Variants in CTNNA2 observed in about 807,000 individuals in gnomAD.
CTNNA2 encodes the protein catenin alpha-2.
A neutral mutation model predicts 101.0 loss-of-function variants in CTNNA2; 42 were observed. That is an observed-to-expected ratio of 0.42 (90% CI 0.32 to 0.54). The LOEUF is 0.54. Among genes scored for constraint, CTNNA2 ranks in the 20% least tolerant of loss-of-function variants. The pLI is 0.14. For synonymous variants in CTNNA2, 450 were observed against 456.4 expected (o/e 0.99, Z 0.18); for missense variants, 871 against 1,223.1 (o/e 0.71, Z 4.29).
chr2:79,200,252 C>T (rs1020571214), intron 2 of CTNNA2, among the ~76,000 whole-genome samples: 3 of 152,006 alleles, frequency 2.0e-5, no homozygotes, highest in East Asian at 1.9e-4. Flanking sequence ...GGCTTGGTGG[C>T]GGGCACCTGT....
At chr2:80,170,374 C>A (rs1198290681) in intron 7 of CTNNA2, among the ~76,000 whole-genome samples, 6 of 151,194 alleles carry the variant, frequency 4.0e-5, no homozygotes, top group Admixed American at 3.9e-4. Flanking sequence ...GACAGTTTAT[C>A]TTCTTCTTCA....
intron 18 of CTNNA2, among the ~76,000 whole-genome samples, chr2:80,625,495 C>G (rs1196776538): frequency 6.6e-6 from 1 of 150,378 alleles, no homozygotes; most frequent in Non-Finnish European, 1.5e-5. Context: ...TTCAGGAAGA[C>G]TTCTTTGATA....
At chr2:79,350,073 C>CA (rs59503765) in intron 3 of CTNNA2, among the ~76,000 whole-genome samples, 829 of 57,364 alleles carry the variant, frequency 0.014, 42 homozygotes, top group Non-Finnish European at 0.019. Flanking sequence ...GACTCCTTCT[C>CA]AAAAAAAAAA....
At chr2:80,264,166 T>G (rs999290217) in intron 7 of CTNNA2, among the ~76,000 whole-genome samples, 3 of 152,300 alleles carry the variant, frequency 2.0e-5, no homozygotes, top group Admixed American at 6.5e-5. Flanking sequence ...AGGAGTATTT[T>G]GGAGAACATC....
chr2:79,971,582 G>A (rs185894622), intron 7 of CTNNA2, among the ~76,000 whole-genome samples: 7 of 152,286 alleles, frequency 4.6e-5, no homozygotes, highest in Admixed American at 2.6e-4. Flanking sequence ...CTTTTCAGAA[G>A]TGGGAAATAT....
intron 4 of CTNNA2, among the ~76,000 whole-genome samples, chr2:79,465,574 G>A (rs1670924963): frequency 2.6e-5 from 4 of 152,304 alleles, no homozygotes; most frequent in Admixed American, 2.0e-4. Flanking sequence ...ACCTTGGGCA[G>A]TATGGCCATT....
chr2:79,728,800 C>G (rs1038138260), intron 2 of CTNNA2, among the ~76,000 whole-genome samples: 2 of 152,154 alleles, frequency 1.3e-5, no homozygotes, highest in African/African-American at 4.8e-5. Context: ...ATATGGCTAG[C>G]CAGTTTTCCC....
intron 1 of CTNNA2, among the ~76,000 whole-genome samples, chr2:79,646,222 T>C (rs1680802707): frequency 6.6e-6 from 1 of 152,228 alleles, no homozygotes; most frequent in Non-Finnish European, 1.5e-5. Flanking sequence ...TATTAACATA[T>C]CTGGCATTTG....
At chr2:80,460,106 T>TA (rs1684302206) in intron 9 of CTNNA2, among the ~76,000 whole-genome samples, 1 of 152,130 alleles carries the variant, frequency 6.6e-6, no homozygotes, top group Admixed American at 6.5e-5. Context: ...ACTCTATACA[T>TA]AAGTCAGATA....
Position 80,415,414 on chromosome 2 carries a change from G to GT in CTNNA2, c.1138-4028dup, listed in dbSNP as rs1005522099. Among the ~76,000 whole-genome samples the GT allele has an allele frequency of 2.2e-4, 33 of 151,624 alleles. 1 individual carries two copies. Among genetic ancestry groups the GT allele is most frequent in the Middle Eastern group, 3.4e-3 (1 of 294 alleles). On this transcript the variant is annotated intron_variant, in intron 8 of 18. Coordinates refer to ENST00000402739, the MANE Select transcript of CTNNA2 (RefSeq NM_001282597.3). ...TTCTCCATGAAGCTCTGTTTTTTTT[G>GT]TTTTTTTCTTTTTTTGTAGTGTAAA...
At chr2:79,249,688 A>G (rs1420298261) in intron 2 of CTNNA2, among the ~76,000 whole-genome samples, 1 of 152,186 alleles carries the variant, frequency 6.6e-6, no homozygotes, top group African/African-American at 2.4e-5. Flanking sequence ...TTGGAATTAC[A>G]TAGTCTTTGC....
At chr2:79,789,252 A>G (rs1284581553) in intron 3 of CTNNA2, among the ~76,000 whole-genome samples, 4 of 152,178 alleles carry the variant, frequency 2.6e-5, no homozygotes, top group African/African-American at 9.7e-5. Flanking sequence ...TTACAGGTCT[A>G]TAAATGTGAA....
At chr2:80,017,784 G>A (rs1260034880) in intron 7 of CTNNA2, among the ~76,000 whole-genome samples, 1 of 151,970 alleles carries the variant, frequency 6.6e-6, no homozygotes, top group Non-Finnish European at 1.5e-5. Context: ...TAGCGCTTCT[G>A]GTTTAACTTT....
At chr2:80,033,936 C>T (rs780258152) in intron 7 of CTNNA2, among the ~76,000 whole-genome samples, 16 of 140,650 alleles carry the variant, frequency 1.1e-4, no homozygotes, top group Non-Finnish European at 2.4e-4. Flanking sequence ...GAGCCACACA[C>T]CAGCATAGAT....
intron 7 of CTNNA2, among the ~76,000 whole-genome samples, chr2:80,072,338 G>A (rs1049988746): frequency 6.7e-6 from 1 of 150,270 alleles, no homozygotes; most frequent in African/African-American, 2.5e-5. Flanking sequence ...TATGTCCGCT[G>A]CCAAAAGTTC....
At chr2:79,554,063 C>T (rs932817538) in intron 1 of CTNNA2, among the ~76,000 whole-genome samples, 6 of 152,156 alleles carry the variant, frequency 3.9e-5, no homozygotes, top group African/African-American at 1.4e-4. Flanking sequence ...TGAAGGGTTA[C>T]ATCTGATCTG....
intron 4 of CTNNA2, among the ~76,000 whole-genome samples, chr2:79,404,943 A>G (rs1678326286): frequency 6.6e-6 from 1 of 152,116 alleles, no homozygotes; most frequent in South Asian, 2.1e-4. Flanking sequence ...CTATTGAGAT[A>G]TCATTCATGA....
intron 4 of CTNNA2, among the ~76,000 whole-genome samples, chr2:79,423,494 C>T (rs139699106): frequency 6.6e-6 from 1 of 152,166 alleles, no homozygotes; most frequent in Non-Finnish European, 1.5e-5. Context: ...GTAATACATA[C>T]ACAAAAAAAT....
chr2:80,082,997 G>A lies in CTNNA2; in HGVS notation c.1056+173200G>A, dbSNP rs549799868. 5.9e-5 allele frequency among the ~76,000 whole-genome samples: 9 copies of A among 151,976 alleles called. No individual in the cohort carries two copies. The East Asian group carries it at 1.6e-3, about 26-fold the overall frequency. On this transcript the variant is annotated intron_variant, in intron 7 of 18. Coordinates refer to ENST00000402739, the MANE Select transcript of CTNNA2 (RefSeq NM_001282597.3). ...TGTCCCTATCTTATAAAAAAGCAGG[G>A]GTATAGCTTCTTGTTTCAGGAGGTG...
Sources: gnomAD v4.1 joint callset for allele counts (sites outside exome capture counted in the v4.1 genomes callset) on GRCh38, gnomAD v4.1.1 for gene constraint, MANE v1.5 for transcripts, NCBI Gene and HGNC (gene_info 2026-07-23, HGNC 2026-07-21) for gene names.